GLRA1: variants seen among roughly 807,000 people sequenced by gnomAD.
GLRA1 encodes the protein glycine receptor subunit alpha-1.
Under a neutral mutation model 48.3 loss-of-function variants are expected in GLRA1, and 37 were observed. The observed-to-expected ratio is 0.77, with a 90% CI of 0.59 to 1.01. The LOEUF is 1.01. Ranked by LOEUF, GLRA1 falls within the 50% of genes least tolerant of loss-of-function variation. The pLI, the probability that GLRA1 is intolerant of heterozygous loss-of-function variation, is 0.00. For missense variants in GLRA1, 427 were observed against 571.0 expected (o/e 0.75, Z 2.57); for synonymous variants, 196 against 210.7 (o/e 0.93, Z 0.60).
intron 3 of GLRA1, among the ~76,000 whole-genome samples, chr5:151,872,333 A>C (rs950589153): frequency 6.7e-6 from 1 of 149,364 alleles, no homozygotes; most frequent in African/African-American, 2.6e-5. Context: ...AGGAATCTGA[A>C]GTGCAAATTG....
chr5:151,861,412 T>C (rs1753200650), intron 3 of GLRA1, among the ~76,000 whole-genome samples: 1 of 152,188 alleles, frequency 6.6e-6, no homozygotes, highest in South Asian at 2.1e-4. Flanking sequence ...TTTTATTGAT[T>C]GTCATTCTAA....
intron 3 of GLRA1, among the ~76,000 whole-genome samples, chr5:151,872,896 C>T (rs1420649167): frequency 6.7e-6 from 1 of 149,494 alleles, no homozygotes; most frequent in African/African-American, 2.6e-5. Context: ...AATTGTATTG[C>T]ACAATCCTAC....
chr5:151,870,574 T>C (rs139707748), intron 3 of GLRA1, among the ~76,000 whole-genome samples: 1 of 150,038 alleles, frequency 6.7e-6, no homozygotes, highest in Non-Finnish European at 1.5e-5. Context: ...TTGTATTACA[T>C]CTTGTTTTGG....
At chr5:151,858,525 G>A (rs1753107739) in intron 4 of GLRA1, among the ~76,000 whole-genome samples, 1 of 152,310 alleles carries the variant, frequency 6.6e-6, no homozygotes, top group East Asian at 1.9e-4. Context: ...GGGCCTGGAT[G>A]GCCATTTCCT....
Position 151,924,521 on chromosome 5 carries a change from T to C in GLRA1, c.29A>G (p.Tyr10Cys). Reference protein sequence around the residue: MYSFNTLRLYLWETIVFFSL... With the variant: MYSFNTLRLCLWETIVFFSL... ...GAAGAATACAATGGTCTCCCAAAGG[T>C]AGAGTCGAAGAGTATTGAAGCTGTA... The change falls in exon 1 of 9, where the codon TAC (tyrosine) becomes TGC (cysteine). Residue 10 changes from tyrosine to cysteine, a missense_variant. Physicochemically the swap from Tyr to Cys is radical, Grantham distance 194. Transcript: ENST00000274576. 1.2e-6 allele frequency: 2 copies of C among 1,604,482 alleles called. No individual in the cohort carries two copies. Among genetic ancestry groups the C allele is most frequent in the Non-Finnish European group, 1.7e-6 (2 of 1,171,296 alleles).
intron 7 of GLRA1, among the ~76,000 whole-genome samples, chr5:151,846,746 A>G (rs960931547): frequency 1.3e-5 from 2 of 152,232 alleles, no homozygotes; most frequent in Non-Finnish European, 2.9e-5. Context: ...TGGATCCTTG[A>G]TTGGATCCCT....
In GLRA1 at chr5:151,924,664, G is replaced by T; in HGVS notation, c.-115C>A. 1 of 784,688 alleles carries T rather than the reference G, an allele frequency of 1.3e-6. No individual in the cohort carries two copies. Among genetic ancestry groups the T allele is most frequent in the Non-Finnish European group, 2.3e-6 (1 of 428,752 alleles). 48.6% of individuals were successfully genotyped at this position (784,688 alleles called of 1,614,324 possible). A position where few individuals can be genotyped will look rare whatever the true frequency, so the allele number is the denominator to read the frequency against. On this transcript the variant is annotated 5_prime_UTR_variant, in exon 1 of 9. Coordinates refer to ENST00000274576, the MANE Select transcript of GLRA1 (RefSeq NM_000171.4). Reference sequence around the variant, plus strand: ...AAAAATAATCCAGATGTTAAAGGGAGGCGGGGAACAGGGGCGCGGAGGGAG... The same window carrying T: ...AAAAATAATCCAGATGTTAAAGGGATGCGGGGAACAGGGGCGCGGAGGGAG...
intron 7 of GLRA1, chr5:151,849,875 A>G: frequency 6.8e-7 from 1 of 1,462,350 alleles, no homozygotes; most frequent in Non-Finnish European, 9.0e-7. Context: ...TGGCTCTAGT[A>G]TTTTACAGTC....
At chr5:151,833,854 T>C (rs1188624127) in intron 7 of GLRA1, among the ~76,000 whole-genome samples, 1 of 142,476 alleles carries the variant, frequency 7.0e-6, no homozygotes, top group Non-Finnish European at 1.5e-5. Context: ...AAACAGACTT[T>C]AAACCAATAA....
intron 8 of GLRA1, among the ~76,000 whole-genome samples, chr5:151,823,680 A>T (rs1763201052): frequency 6.6e-6 from 1 of 152,312 alleles, no homozygotes; most frequent in South Asian, 2.1e-4. Flanking sequence ...AAGACCCTTC[A>T]TCATTTGGCT....
intron 4 of GLRA1, among the ~76,000 whole-genome samples, chr5:151,856,634 T>C (rs897138270): frequency 3.3e-5 from 5 of 152,182 alleles, no homozygotes; most frequent in Non-Finnish European, 7.3e-5. Context: ...TTCTCCTGCC[T>C]CAGCCTCCAG....
chr5:151,836,609 A>G (rs1763583395), intron 7 of GLRA1, among the ~76,000 whole-genome samples: 1 of 152,230 alleles, frequency 6.6e-6, no homozygotes, highest in South Asian at 2.1e-4. Context: ...CAAAACTGAT[A>G]TATAGACCAA....
At chr5:151,835,930 A>G (rs558111681) in intron 7 of GLRA1, among the ~76,000 whole-genome samples, 2 of 152,322 alleles carry the variant, frequency 1.3e-5, no homozygotes, top group East Asian at 3.9e-4. Flanking sequence ...CACCACTCCT[A>G]TTCAACATAG....
chr5:151,886,081 A>G (rs1753897964), intron 3 of GLRA1, among the ~76,000 whole-genome samples: 1 of 152,210 alleles, frequency 6.6e-6, no homozygotes, highest in South Asian at 2.1e-4. Flanking sequence ...CAAAAACAAA[A>G]AGTCTGAGAA....
intron 7 of GLRA1, among the ~76,000 whole-genome samples, chr5:151,837,307 A>G (rs1763602451): frequency 6.6e-6 from 1 of 152,222 alleles, no homozygotes. Flanking sequence ...AAAAGTTAGG[A>G]AATAACAGAT....
intron 6 of GLRA1, among the ~76,000 whole-genome samples, chr5:151,854,111 G>C (rs1464321935): frequency 2.0e-5 from 3 of 152,254 alleles, no homozygotes; most frequent in Admixed American, 6.5e-5. Flanking sequence ...GTGAGGGTCA[G>C]TTGTGGTGAT....
intron 1 of GLRA1, among the ~76,000 whole-genome samples, chr5:151,913,582 A>G (rs191178149): frequency 1.1e-4 from 17 of 152,356 alleles, no homozygotes; most frequent in African/African-American, 4.1e-4. Context: ...GCAAAAATGC[A>G]TGAGGTAGAT....
At chr5:151,850,183 C>A in intron 7 of GLRA1, 1 of 1,603,466 alleles carries the variant, frequency 6.2e-7, no homozygotes, top group South Asian at 1.1e-5. Flanking sequence ...GCAGGCAAAG[C>A]CCATGGCAGG....
At chr5:151,883,046 A>G (rs1753797599) in intron 3 of GLRA1, among the ~76,000 whole-genome samples, 1 of 152,228 alleles carries the variant, frequency 6.6e-6, no homozygotes, top group African/African-American at 2.4e-5. Flanking sequence ...TATGAGATAT[A>G]TATAAGAAAT....
Sources: gnomAD v4.1 joint callset for allele counts (sites outside exome capture counted in the v4.1 genomes callset) on GRCh38, gnomAD v4.1.1 for gene constraint, MANE v1.5 for transcripts, NCBI Gene and HGNC (gene_info 2026-07-23, HGNC 2026-07-21) for gene names.